The following RYR3 variants were observed in gnomAD, a reference collection of about 807,000 sequenced individuals.
The protein encoded by RYR3 is ryanodine receptor 3.
Under a neutral mutation model 584.3 loss-of-function variants are expected in RYR3, and 207 were observed. That is an observed-to-expected ratio of 0.35 (90% CI 0.32 to 0.40). RYR3 has a LOEUF of 0.40. Among genes scored for constraint, RYR3 ranks in the 10% least tolerant of loss-of-function variants. RYR3 has a pLI of 1.00. For synonymous variants in RYR3, 2,416 were observed against 2,248.5 expected (o/e 1.07, Z -2.11); for missense variants, 5,616 against 6,089.2 (o/e 0.92, Z 2.59).
Position 33,803,482 on chromosome 15 carries a change from A to C in RYR3, c.10011+1521A>C, listed in dbSNP as rs370144685. Among the ~76,000 whole-genome samples the C allele has an allele frequency of 1.9e-4, 29 of 152,282 alleles. No homozygotes were observed. The East Asian group carries it at 3.9e-3, about 20-fold the overall frequency. ...TCTTCTTTGACTCATCTACCTGCAG[A>C]AAGTCAATAAATCCCAGACAGATTC... is the stretch of plus-strand genomic sequence containing the variant. On this transcript the variant is annotated intron_variant, in intron 69 of 103. Transcript: ENST00000634891.
rs1392228047 is a variant in RYR3, at chr15:33,843,301, C to T, written c.13210-187C>T. The stretch of plus-strand genomic sequence containing the variant: ...CACCACTGCACTCCAGCCTGGGGGA[C>T]AGAGCGAGACTCCATCTCAAAAAAA... On this transcript the variant is annotated intron_variant, in intron 91 of 103. Transcript: ENST00000634891. Among the ~76,000 whole-genome samples the T allele has an allele frequency of 2.0e-5, 3 of 151,640 alleles. No homozygotes were observed. The East Asian group carries it at 5.8e-4, about 29-fold the overall frequency.
chr15:33,845,399 C>G (rs1005159326), intron 93 of RYR3, among the ~76,000 whole-genome samples: 10 of 152,168 alleles, frequency 6.6e-5, no homozygotes, highest in Non-Finnish European at 1.3e-4. Flanking sequence ...ATTACAGATG[C>G]CTGCCACCAT....
At chr15:33,351,552 T>C (rs1286842447) in intron 1 of RYR3, among the ~76,000 whole-genome samples, 4 of 151,468 alleles carry the variant, frequency 2.6e-5, no homozygotes, top group Admixed American at 6.6e-5. Context: ...ATCAAAAAGC[T>C]TATCCACCAT....
At chr15:33,693,965 G>A (rs1232653029) in intron 38 of RYR3, among the ~76,000 whole-genome samples, 1 of 152,122 alleles carries the variant, frequency 6.6e-6, no homozygotes, top group Admixed American at 6.5e-5. Flanking sequence ...GGGTGGAAAC[G>A]CTTTTGTGGA....
chr15:33,559,172 C>G (rs147877957), intron 10 of RYR3, among the ~76,000 whole-genome samples: 5 of 152,194 alleles, frequency 3.3e-5, no homozygotes, highest in Non-Finnish European at 7.4e-5. Context: ...CCAGATGAGT[C>G]CTTGACCATT....
chr15:33,848,824 CTCT>C (rs1199153332), intron 94 of RYR3, among the ~76,000 whole-genome samples: 4 of 111,216 alleles, frequency 3.6e-5, no homozygotes, highest in African/African-American at 1.1e-4. Flanking sequence ...CTCTGAAGTC[CTCT>C]TTTTTTTTTT....
At chr15:33,312,087 C>T (rs147009986) in intron 1 of RYR3, among the ~76,000 whole-genome samples, 1,532 of 152,322 alleles carry the variant, frequency 0.01, 30 homozygotes, top group African/African-American at 0.035. Context: ...AAGGATTAAA[C>T]GTTATCGTGA....
intron 12 of RYR3, among the ~76,000 whole-genome samples, chr15:33,571,867 G>C (rs2058046045): frequency 6.6e-6 from 1 of 151,774 alleles, no homozygotes; most frequent in African/African-American, 2.4e-5. Context: ...GTTATTTTTT[G>C]GTCCTCTATT....
In RYR3 at chr15:33,652,980, T is replaced by G; in HGVS notation, c.4308+97T>G. On this transcript the variant is annotated intron_variant, in intron 32 of 103. Coordinates refer to ENST00000634891, the MANE Select transcript of RYR3 (RefSeq NM_001036.6). ...CGTACTCAGCATTCCTGCCACAGTG[T>G]GTCAAGCTGATGAGCCCATGTGGGC... is the stretch of plus-strand genomic sequence containing the variant. The G allele has an allele frequency of 2.3e-6, 3 of 1,314,442 alleles. No homozygotes were observed. In the South Asian group the frequency reaches 4.8e-5, roughly 21 times the overall value. 81.4% of individuals were successfully genotyped at this position (1,314,442 alleles called of 1,614,324 possible).
chr15:33,753,019 A>T lies in RYR3; in HGVS notation c.8400-2046A>T, dbSNP rs182454251. 7.1e-3 allele frequency among the ~76,000 whole-genome samples: 1,081 copies of T among 152,238 alleles called. 2 individuals carry two copies. The highest frequency in any genetic ancestry group is 0.012 in the Admixed American group (190 of 15,274). ...TTGAAGGCCTTTTCTCCCTCTATTG[A>T]GATAATCATGTGGTTTTTGTCATTG... On this transcript the variant is annotated intron_variant, in intron 57 of 103. Transcript: ENST00000634891.
rs528035842 is a variant in RYR3, at chr15:33,356,623, G to T, written c.51+45527G>T. 2.0e-5 allele frequency among the ~76,000 whole-genome samples: 3 copies of T among 152,250 alleles called. No individual in the cohort carries two copies. The South Asian group carries it at 6.2e-4, about 32-fold the overall frequency. On this transcript the variant is annotated intron_variant, in intron 1 of 103. Coordinates refer to ENST00000634891, the MANE Select transcript of RYR3 (RefSeq NM_001036.6). ...CCTTAGTAAAATGAGAATGATTATA[G>T]ACACATAATATGTTTATTTTGAGGA...
At chr15:33,715,800 C>T (rs553506280) in intron 43 of RYR3, among the ~76,000 whole-genome samples, 1 of 152,260 alleles carries the variant, frequency 6.6e-6, no homozygotes, top group South Asian at 2.1e-4. Flanking sequence ...ACCATCCCTT[C>T]AATTTTAAAC....
At chr15:33,787,515 CT>C (rs1596584307) in intron 66 of RYR3, among the ~76,000 whole-genome samples, 1 of 141,518 alleles carries the variant, frequency 7.1e-6, no homozygotes, top group Non-Finnish European at 1.5e-5. Flanking sequence ...TTACTCTGGT[CT>C]TTAAAAAAAA....
intron 1 of RYR3, among the ~76,000 whole-genome samples, chr15:33,400,454 T>G (rs1005698124): frequency 6.6e-6 from 1 of 152,218 alleles, no homozygotes; most frequent in Non-Finnish European, 1.5e-5. Context: ...TGATGACACC[T>G]GAGTCTTTTT....
intron 48 of RYR3, among the ~76,000 whole-genome samples, chr15:33,732,973 G>GA (rs964989088): frequency 2.6e-5 from 4 of 150,962 alleles, no homozygotes; most frequent in African/African-American, 7.3e-5. Context: ...GGGCTACCTG[G>GA]AAAAAAAAAC....
chr15:33,431,637 G>A (rs1432970954), intron 1 of RYR3, among the ~76,000 whole-genome samples: 1 of 152,010 alleles, frequency 6.6e-6, no homozygotes, highest in Non-Finnish European at 1.5e-5. Flanking sequence ...ATGGTGGTGT[G>A]CATCTGTAGT....
intron 16 of RYR3, among the ~76,000 whole-genome samples, chr15:33,596,182 C>T (rs1393867596): frequency 2.0e-5 from 3 of 151,396 alleles, no homozygotes; most frequent in African/African-American, 7.3e-5. Context: ...TTAGACAAAA[C>T]TTGTTCACTT....
At position 33,584,861 on chromosome 15, in the gene RYR3, A is replaced by G. The variant is rs612271; in HGVS notation, c.1669+371A>G. 4.7e-3 allele frequency among the ~76,000 whole-genome samples: 668 copies of G among 142,524 alleles called. 4 individuals are homozygous for G. The highest frequency in any genetic ancestry group is 0.017 in the African/African-American group (635 of 37,800). The allele number at this position is 142,524 out of a possible 152,430, so 93.5% of individuals were successfully genotyped here. On this transcript the variant is annotated intron_variant, in intron 15 of 103. Coordinates refer to ENST00000634891, the MANE Select transcript of RYR3 (RefSeq NM_001036.6). ...TTCTCTGGGTTTTTAAACCCTTTTC[A>G]ATGGTGCCCAAACTATTTCTTACGG...
rs1372749102 is a variant in RYR3 at position 33,865,186 on chromosome 15, G to C, written c.14573G>C (p.Gly4858Ala). 1 of 1,613,752 alleles carries C rather than the reference G, an allele frequency of 6.2e-7. No individual in the cohort carries two copies. Among genetic ancestry groups the C allele is most frequent in the African/African-American group, 1.3e-5 (1 of 74,790 alleles). ...QERCWDFFPA[G>A]DCFRKQYEDQ... is the part of the protein sequence containing the mutation. ...AGGTGTTGGGATTTCTTCCCAGCCG[G>C]TGACTGCTTTCGTAAACAATATGAA... is the stretch of plus-strand genomic sequence containing the variant. Residue 4858 changes from glycine (G) to alanine (A), a missense_variant, in exon 104 of 104, where the codon GGT becomes GCT. By Grantham distance (60) the Gly-to-Ala change is moderately conservative. Transcript: ENST00000634891.
Sources: gnomAD v4.1 joint callset for allele counts (sites outside exome capture counted in the v4.1 genomes callset) on GRCh38, gnomAD v4.1.1 for gene constraint, MANE v1.5 for transcripts, NCBI Gene and HGNC (gene_info 2026-07-23, HGNC 2026-07-21) for gene names.